Variants in APCDD1L observed in about 807,000 individuals in gnomAD.
APCDD1L encodes APC down-regulated 1 like.
A neutral mutation model predicts 24.2 loss-of-function variants in APCDD1L; 21 were observed. The ratio of observed to expected loss-of-function variants is 0.87; its 90% CI spans 0.61 to 1.25. The LOEUF is 1.25. Ranked by LOEUF, APCDD1L falls within the 50% of genes most tolerant of loss-of-function variation. APCDD1L has a pLI of 0.00. For missense variants in APCDD1L, 704 were observed against 711.7 expected, an observed-to-expected ratio of 0.99 and a Z score of 0.12; for synonymous variants, 321 against 323.6, an observed-to-expected ratio of 0.99 and a Z score of 0.09.
chr20:58,464,955 T>A (rs1334281296), intron 3 of APCDD1L, among the ~76,000 whole-genome samples: 1 of 152,134 alleles, frequency 6.6e-6, no homozygotes, highest in Non-Finnish European at 1.5e-5. Context: ...TACATTTCTA[T>A]GTGTTTTGCT....
chr20:58,494,943 C>T lies in APCDD1L; in HGVS notation c.49+19716G>A, dbSNP rs926953384. On this transcript the variant is annotated intron_variant, in intron 1 of 3. Coordinates refer to ENST00000371149, the MANE Select transcript of APCDD1L (RefSeq NM_153360.3). This position sits in a 1 kb window ranked among gnomAD's most constrained non-coding sequence, Gnocchi z 4.8. The stretch of plus-strand genomic sequence containing the variant: ...TTCTCCTCCTTCAGCTCAAGCGTCT[C>T]CTCTTCAGTGAGAACACCCCCATGA... Among the ~76,000 whole-genome samples the T allele has an allele frequency of 2.0e-5, 3 of 152,170 alleles. No homozygotes were observed. Among genetic ancestry groups the T allele is most frequent in the Non-Finnish European group, 4.4e-5 (3 of 68,032 alleles).
At chr20:58,469,651 G>A (rs192268140) in intron 2 of APCDD1L, among the ~76,000 whole-genome samples, 266 of 152,368 alleles carry the variant, frequency 1.7e-3, no homozygotes, top group Non-Finnish European at 3.1e-3. Context: ...ACTGTGCCGT[G>A]GGCGTGGGGG....
At chr20:58,463,369 T>C (rs923970688) in intron 3 of APCDD1L, among the ~76,000 whole-genome samples, 2 of 152,148 alleles carry the variant, frequency 1.3e-5, no homozygotes, top group Non-Finnish European at 2.9e-5. Flanking sequence ...TTATTTACAG[T>C]TGTCTCTGCC....
intron 1 of APCDD1L, among the ~76,000 whole-genome samples, chr20:58,495,741 G>C (rs1031608173): frequency 6.6e-6 from 1 of 151,988 alleles, no homozygotes; most frequent in Non-Finnish European, 1.5e-5. Context: ...ACACATGAAG[G>C]TGTGACCCAT....
chr20:58,493,570 A>G (rs1157135763), intron 1 of APCDD1L, among the ~76,000 whole-genome samples: 3 of 152,238 alleles, frequency 2.0e-5, no homozygotes, highest in Admixed American at 1.3e-4. Flanking sequence ...ACACCTTAGA[A>G]ACATAATATC....
intron 1 of APCDD1L, among the ~76,000 whole-genome samples, chr20:58,493,383 C>T (rs1161498745): frequency 6.6e-6 from 1 of 152,168 alleles, no homozygotes; most frequent in Non-Finnish European, 1.5e-5. Context: ...CACATTTACA[C>T]CCAGCAACAA....
rs1221965811 is a variant in APCDD1L at position 58,461,310 on chromosome 20, G to A, written c.986C>T (p.Thr329Ile). The change falls in exon 4 of 4, where the codon ACC becomes ATC. Residue 329 changes from threonine to isoleucine, a missense_variant. Thr to Ile is a moderately conservative substitution (Grantham distance 89, BLOSUM62 -1). Coordinates refer to ENST00000371149, the MANE Select transcript of APCDD1L (RefSeq NM_153360.3). The surrounding 1 kb of genome is among the most constrained non-coding windows in gnomAD (Gnocchi z 6.0). Reference protein sequence around the residue: ...SDPACRQPTFTVYAAGRYTRG... With the variant: ...SDPACRQPTFIVYAAGRYTRG... ...GGTGTAGCGGCCGGCGGCATACACG[G>A]TGAAGGTGGGCTGCCGGCAGGCTGG... The A allele has an allele frequency of 1.9e-6, 3 of 1,606,776 alleles. No homozygotes were observed. Among genetic ancestry groups the A allele is most frequent in the East Asian group, 2.2e-5 (1 of 44,650 alleles).
rs1219580179 is a variant in APCDD1L, at chr20:58,497,823, G to A, written c.49+16836C>T. On this transcript the variant is annotated intron_variant, in intron 1 of 3. Transcript: ENST00000371149. This position sits in a 1 kb window ranked among gnomAD's most constrained non-coding sequence, Gnocchi z 4.3. Reference sequence around the variant, plus strand: ...ACATGGCTGGTGGAGAAGGGACCTTGTGCGGCCTCTATTAATAGATTCTCA... The same window carrying A: ...ACATGGCTGGTGGAGAAGGGACCTTATGCGGCCTCTATTAATAGATTCTCA... Among the ~76,000 whole-genome samples, 3 of 152,210 alleles carry A rather than the reference G, an allele frequency of 2.0e-5. No homozygotes were observed. Among genetic ancestry groups the A allele is most frequent in the African/African-American group, 7.2e-5 (3 of 41,450 alleles).
chr20:58,505,749 G>A (rs1239379130), intron 1 of APCDD1L, among the ~76,000 whole-genome samples: 6 of 152,102 alleles, frequency 3.9e-5, no homozygotes, highest in Non-Finnish European at 2.9e-5. Flanking sequence ...ACCTTATTTG[G>A]AAATAAGGTC....
Position 58,494,813 on chromosome 20 carries a change from G to A in APCDD1L, c.49+19846C>T, listed in dbSNP as rs1321912604. Among the ~76,000 whole-genome samples, 3 of 152,164 alleles carry A rather than the reference G, an allele frequency of 2.0e-5. No individual in the cohort carries two copies. Among genetic ancestry groups the A allele is most frequent in the Non-Finnish European group, 2.9e-5 (2 of 68,024 alleles). On this transcript the variant is annotated intron_variant, in intron 1 of 3. Coordinates refer to ENST00000371149, the MANE Select transcript of APCDD1L (RefSeq NM_153360.3). This position sits in a 1 kb window ranked among gnomAD's most constrained non-coding sequence, Gnocchi z 4.8. Reference sequence around the variant, plus strand: ...CATCTCCTGGCATTCTGCACCCACTGAGCGCCTGGCAGTCCCTTGGCCACA... The same window carrying A: ...CATCTCCTGGCATTCTGCACCCACTAAGCGCCTGGCAGTCCCTTGGCCACA...
chr20:58,498,627 T>C (rs1990371616), intron 1 of APCDD1L, among the ~76,000 whole-genome samples: 1 of 152,220 alleles, frequency 6.6e-6, no homozygotes, highest in African/African-American at 2.4e-5. Context: ...GGAGAGTCTG[T>C]CTGGCCTGGC....
chr20:58,477,134 A>G (rs914883064), intron 1 of APCDD1L, among the ~76,000 whole-genome samples: 1 of 152,250 alleles, frequency 6.6e-6, no homozygotes, highest in Non-Finnish European at 1.5e-5. Context: ...GTTTCTCTAC[A>G]GGTTAACATC....
chr20:58,467,472 G>C lies in APCDD1L; in HGVS notation c.375C>G (p.Ala125=). 1 of 1,596,128 alleles carries C rather than the reference G, an allele frequency of 6.3e-7. No homozygotes were observed. Among genetic ancestry groups the C allele is most frequent in the East Asian group, 2.3e-5 (1 of 43,506 alleles). ...ASWVTRGATE[A]DYHLHKVGIV... is the part of the protein sequence containing the mutation. Reference sequence around the variant, plus strand: ...TGCCCACCTTGTGCAGGTGGTAGTCGGCCTCGGTGGCTCCCCGGGTGACCC... The same window carrying C: ...TGCCCACCTTGTGCAGGTGGTAGTCCGCCTCGGTGGCTCCCCGGGTGACCC... The change falls in exon 3 of 4, where the codon GCC becomes GCG. Residue 125 remains alanine (A), a synonymous_variant. Transcript: ENST00000371149. This position sits in a 1 kb window ranked among gnomAD's most constrained non-coding sequence, Gnocchi z 5.9.
chr20:58,502,101 T>G (rs938969126), intron 1 of APCDD1L, among the ~76,000 whole-genome samples: 2 of 152,146 alleles, frequency 1.3e-5, no homozygotes, highest in African/African-American at 4.8e-5. Context: ...GTCTTGTGTT[T>G]TTTTGTTTTG....
At chr20:58,503,536 G>A (rs141604481) in intron 1 of APCDD1L, among the ~76,000 whole-genome samples, 46 of 152,258 alleles carry the variant, frequency 3.0e-4, no homozygotes, top group Non-Finnish European at 5.0e-4. Flanking sequence ...CAGCCATGTC[G>A]TGCTCTCCTG....
intron 1 of APCDD1L, among the ~76,000 whole-genome samples, chr20:58,476,952 C>T (rs1388354852): frequency 6.6e-6 from 1 of 152,218 alleles, no homozygotes; most frequent in Non-Finnish European, 1.5e-5. Context: ...CCAGGCACCC[C>T]TCTTCTGTTC....
At position 58,467,329 on chromosome 20, in the gene APCDD1L, A is replaced by C. The variant is rs1298192701; in HGVS notation, c.518T>G (p.Leu173Arg). 1 of 1,508,790 alleles carries C rather than the reference A, an allele frequency of 6.6e-7. No individual in the cohort carries two copies. The highest frequency in any genetic ancestry group is 8.8e-7 in the Non-Finnish European group (1 of 1,135,650). The allele number at this position is 1,508,790 out of a possible 1,614,324, so 93.5% of individuals were successfully genotyped here. A position where few individuals can be genotyped will look rare whatever the true frequency, so the allele number is the denominator to read the frequency against. Residue 173 changes from leucine (L) to arginine (R), a missense_variant, in exon 3 of 4, where the codon CTG becomes CGG. Transcript: ENST00000371149. The surrounding 1 kb of genome is among the most constrained non-coding windows in gnomAD (Gnocchi z 5.9). ...AGCCCGGGCGCTCCGCAGCTCGTAC[A>C]GCGCCCCAGGCAGCCAGGCCCGGGC... Reference protein sequence around the residue: ...PPARAWLPGALYELRSARAQG... With the variant: ...PPARAWLPGARYELRSARAQG...
intron 1 of APCDD1L, among the ~76,000 whole-genome samples, chr20:58,500,555 T>G (rs1568751599): frequency 6.6e-6 from 1 of 152,208 alleles, no homozygotes; most frequent in Non-Finnish European, 1.5e-5. Context: ...ACAAGCTACT[T>G]GCCATATTCT....
intron 1 of APCDD1L, among the ~76,000 whole-genome samples, chr20:58,499,935 G>C (rs1016702108): frequency 6.6e-6 from 1 of 152,088 alleles, no homozygotes; most frequent in Non-Finnish European, 1.5e-5. Context: ...TCTTTCAACA[G>C]ATATTTTGTA....
Sources: gnomAD v4.1 joint callset for allele counts (sites outside exome capture counted in the v4.1 genomes callset) on GRCh38, gnomAD v4.1.1 for gene constraint, Gnocchi (gnomAD v3.1) non-coding constraint, MANE v1.5 for transcripts, NCBI Gene and HGNC (gene_info 2026-07-23, HGNC 2026-07-21) for gene names.